SEPTIN9: variants seen among roughly 807,000 people sequenced by gnomAD.
SEPTIN9 encodes septin 9.
A neutral mutation model predicts 56.6 loss-of-function variants in SEPTIN9; 13 were observed. The observed-to-expected ratio is 0.23, with a 90% CI of 0.15 to 0.37. The LOEUF is 0.37. Ranked by LOEUF, SEPTIN9 falls within the 10% of genes least tolerant of loss-of-function variation. SEPTIN9 has a pLI of 1.00. For synonymous variants in SEPTIN9, 332 were observed against 334.1 expected (o/e 0.99, Z 0.07); for missense variants, 650 against 823.1 (o/e 0.79, Z 2.57).
intron 2 of SEPTIN9, among the ~76,000 whole-genome samples, chr17:77,308,160 A>T (rs887040086): frequency 5.3e-5 from 8 of 152,200 alleles, no homozygotes; most frequent in African/African-American, 1.7e-4. Flanking sequence ...TCACCTGTGC[A>T]TATGTGCTGG....
At chr17:77,467,707 C>T (rs149451333) in intron 3 of SEPTIN9, among the ~76,000 whole-genome samples, 103 of 152,324 alleles carry the variant, frequency 6.8e-4, no homozygotes, top group African/African-American at 2.2e-3. Flanking sequence ...ACACCGAAGC[C>T]GCGGAGACGC....
At chr17:77,413,940 CTTTTTTTTTTTT>C (rs202194441) in intron 3 of SEPTIN9, among the ~76,000 whole-genome samples, 2 of 125,760 alleles carry the variant, frequency 1.6e-5, no homozygotes, top group African/African-American at 3.0e-5. Context: ...TCAGTATTTT[CTTTTTTTTTTTT>C]TTTTTCCCCT....
chr17:77,370,208 G>A (rs1446890133), intron 2 of SEPTIN9, among the ~76,000 whole-genome samples: 1 of 152,212 alleles, frequency 6.6e-6, no homozygotes, highest in Non-Finnish European at 1.5e-5. Context: ...CAGTTCTGGA[G>A]GCCAGAAGTC....
chr17:77,471,700 C>T (rs944543209), intron 3 of SEPTIN9, among the ~76,000 whole-genome samples: 3 of 152,340 alleles, frequency 2.0e-5, no homozygotes, highest in South Asian at 4.1e-4. Context: ...CACCCACCCA[C>T]GGGGGAACTT....
chr17:77,311,397 GGAT>G (rs1259804430), intron 2 of SEPTIN9, among the ~76,000 whole-genome samples: 2 of 152,136 alleles, frequency 1.3e-5, no homozygotes, highest in Non-Finnish European at 2.9e-5. Flanking sequence ...TGGCCGCTGT[GGAT>G]GGACGACCCC....
Position 77,499,220 on chromosome 17 carries a change from T to A in SEPTIN9, c.*562T>A, listed in dbSNP as rs1475229641. ...CTCCTAAGGGTAGAAAACTCCAGGGTCCCCTGCCACCGACTGCCCAGCCAC... is the reference window on the plus strand; with the variant it reads ...CTCCTAAGGGTAGAAAACTCCAGGGACCCCTGCCACCGACTGCCCAGCCAC... On this transcript the variant is annotated 3_prime_UTR_variant, in exon 12 of 12. Coordinates refer to ENST00000427177, the MANE Select transcript of SEPTIN9 (RefSeq NM_001113491.2). 1.7e-6 allele frequency: 1 copy of A among 572,148 alleles called. No individual in the cohort carries two copies. The highest frequency in any genetic ancestry group is 3.4e-6 in the Non-Finnish European group (1 of 296,750). 35.4% of individuals were successfully genotyped at this position (572,148 alleles called of 1,614,324 possible). A position where few individuals can be genotyped will look rare whatever the true frequency, so the allele number is the denominator to read the frequency against.
intron 3 of SEPTIN9, among the ~76,000 whole-genome samples, chr17:77,403,852 G>T (rs1158969514): frequency 6.6e-6 from 1 of 152,098 alleles, no homozygotes; most frequent in Non-Finnish European, 1.5e-5. Context: ...ACGGTGTTGC[G>T]CAGCTGCCAC....
intron 3 of SEPTIN9, among the ~76,000 whole-genome samples, chr17:77,458,795 A>G (rs1180538381): frequency 6.6e-6 from 1 of 152,172 alleles, no homozygotes; most frequent in Non-Finnish European, 1.5e-5. Context: ...GTACACACCC[A>G]GCTCTAAGAT....
At chr17:77,322,320 T>C (rs1184073448) in intron 2 of SEPTIN9, among the ~76,000 whole-genome samples, 1 of 152,212 alleles carries the variant, frequency 6.6e-6, no homozygotes, top group Non-Finnish European at 1.5e-5. Flanking sequence ...CTCTGATCCC[T>C]GCTGCCCTTG....
intron 2 of SEPTIN9, among the ~76,000 whole-genome samples, chr17:77,345,617 T>C (rs558254824): frequency 3.4e-4 from 51 of 152,164 alleles, no homozygotes; most frequent in Non-Finnish European, 6.6e-4. Flanking sequence ...GAGGTCCCAT[T>C]GGGCTAGAGC....
intron 3 of SEPTIN9, chr17:77,447,306 A>C (rs1475909958): frequency 3.8e-5 from 6 of 159,466 alleles, no homozygotes; most frequent in Non-Finnish European, 8.8e-5. Context: ...TCACTGCCTG[A>C]GTATCCCTCT....
rs973687887 is a variant in SEPTIN9 at position 77,425,596 on chromosome 17, G to T, written c.721+22893G>T. Reference sequence around the variant, plus strand: ...TGACTTCCAGCCTCCAAGTGGGGTTGCATTCACCACTCAGGACCTGGAGCC... The same window carrying T: ...TGACTTCCAGCCTCCAAGTGGGGTTTCATTCACCACTCAGGACCTGGAGCC... On this transcript the variant is annotated intron_variant, in intron 3 of 11. Transcript: ENST00000427177. This position sits in a 1 kb window ranked among gnomAD's most constrained non-coding sequence, Gnocchi z 4.2. Among the ~76,000 whole-genome samples, 1 of 152,178 alleles carries T rather than the reference G, an allele frequency of 6.6e-6. No homozygotes were observed. The highest frequency in any genetic ancestry group is 2.1e-4 in the South Asian group (1 of 4,832).
chr17:77,307,017 C>A, intron 1 of SEPTIN9, 124 bp from the exon 2 acceptor site: 1 of 933,540 alleles, frequency 1.1e-6, no homozygotes, highest in Non-Finnish European at 1.8e-6. Context: ...CCAGATGGGC[C>A]CCGTTTCTGG....
intron 3 of SEPTIN9, among the ~76,000 whole-genome samples, chr17:77,404,332 C>T (rs1387975327): frequency 1.3e-5 from 2 of 152,166 alleles, no homozygotes; most frequent in African/African-American, 4.8e-5. Context: ...GCAACCTCTG[C>T]CCCCTGGGCT....
rs1350956963 is a variant in SEPTIN9 at position 77,402,668 on chromosome 17, C to A, written c.686C>A (p.Pro229His). Residue 229 changes from proline to histidine, a missense_variant, in exon 3 of 12, where the codon CCC becomes CAC. Pro to His is a moderately conservative substitution (Grantham distance 77). This residue lies in a region of SEPTIN9 where 317 missense variants were observed against 329.1 expected (regional missense o/e 0.96). Coordinates refer to ENST00000427177, the MANE Select transcript of SEPTIN9 (RefSeq NM_001113491.2). The surrounding 1 kb of genome is among the most constrained non-coding windows in gnomAD (Gnocchi z 6.6). ...LQSRLEPKPQ[P>H]PVAEATPRSQ... is the part of the protein sequence containing the mutation. ...AGCAGGCTGGAGCCCAAGCCCCAGCCCCCTGTGGCTGAGGCTACACCCCGG... is the reference window on the plus strand; with the variant it reads ...AGCAGGCTGGAGCCCAAGCCCCAGCACCCTGTGGCTGAGGCTACACCCCGG... 1.2e-6 allele frequency: 2 copies of A among 1,607,352 alleles called. No individual in the cohort carries two copies. The highest frequency in any genetic ancestry group is 3.4e-5 in the Admixed American group (2 of 59,120).
intron 2 of SEPTIN9, among the ~76,000 whole-genome samples, chr17:77,392,184 G>A (rs2035563651): frequency 6.6e-6 from 1 of 152,208 alleles, no homozygotes; most frequent in Non-Finnish European, 1.5e-5. Flanking sequence ...ATTGCAGAGT[G>A]AGCCAGGCCT....
rs1025824075 is a variant in SEPTIN9 at position 77,319,603 on chromosome 17, C to T, written c.76+12406C>T. ...GGTGCTCCGGAACCTTTTCTCAGCA[C>T]GCTGGCCTGGGGCACGGCCGTTCCT... On this transcript the variant is annotated intron_variant, in intron 2 of 11. Coordinates refer to ENST00000427177, the MANE Select transcript of SEPTIN9 (RefSeq NM_001113491.2). This position sits in a 1 kb window ranked among gnomAD's most constrained non-coding sequence, Gnocchi z 5.3. 6.6e-6 allele frequency: 7 copies of T among 1,061,240 alleles called. No homozygotes were observed. The East Asian group carries it at 1.5e-4, about 23-fold the overall frequency. 65.7% of individuals were successfully genotyped at this position (1,061,240 alleles called of 1,614,324 possible).
chr17:77,281,725 C>T, intron 1 of SEPTIN9, 171 bp downstream of exon 1: 1 of 576,246 alleles, frequency 1.7e-6, no homozygotes, highest in Non-Finnish European at 2.9e-6. Flanking sequence ...GGGCCGCTTT[C>T]GACCTGAGCC....
At chr17:77,362,949 G>A (rs913341879) in intron 2 of SEPTIN9, among the ~76,000 whole-genome samples, 3 of 152,368 alleles carry the variant, frequency 2.0e-5, no homozygotes, top group African/African-American at 7.2e-5. Flanking sequence ...AGAGGGAACA[G>A]GATAGGGCAG....
Sources: gnomAD v4.1 joint callset for allele counts (sites outside exome capture counted in the v4.1 genomes callset) on GRCh38, gnomAD v4.1.1 for gene constraint, gnomAD v4.1.1 regional missense constraint, Gnocchi (gnomAD v3.1) non-coding constraint, MANE v1.5 for transcripts, NCBI Gene and HGNC (gene_info 2026-07-23, HGNC 2026-07-21) for gene names.